The following CPPED1 variants were observed in gnomAD, a reference collection of about 807,000 sequenced individuals.
CPPED1 encodes serine/threonine-protein phosphatase CPPED1.
CPPED1 carries 28 observed loss-of-function variants against 28.0 expected under a neutral mutation model. The observed-to-expected ratio is 1.00, with a 90% CI of 0.74 to 1.37. CPPED1 has a LOEUF of 1.37. CPPED1 is among the 40% of genes most tolerant of loss of function. The probability of loss-of-function intolerance (pLI) is 0.00; values close to 1 mark genes in which losing one functional copy is unlikely to be tolerated. For synonymous variants in CPPED1, 198 were observed against 180.2 expected, an observed-to-expected ratio of 1.10 and a Z score of -0.79; for missense variants, 504 against 416.5, an observed-to-expected ratio of 1.21 and a Z score of -1.83.
intron 3 of CPPED1, among the ~76,000 whole-genome samples, chr16:12,696,430 G>C (rs754004846): frequency 6.7e-6 from 1 of 148,978 alleles, no homozygotes. Context: ...ATGGTGCTAA[G>C]TGACTTTCTT....
chr16:12,708,790 C>A (rs1056728708), intron 2 of CPPED1, among the ~76,000 whole-genome samples: 1 of 152,124 alleles, frequency 6.6e-6, no homozygotes, highest in Non-Finnish European at 1.5e-5. Flanking sequence ...GAAAAATAGT[C>A]CCATTGTGGC....
intron 2 of CPPED1, among the ~76,000 whole-genome samples, chr16:12,740,450 A>G (rs2080249336): frequency 6.6e-6 from 1 of 151,974 alleles, no homozygotes; most frequent in African/African-American, 2.4e-5. Context: ...GCCTCAAAAA[A>G]AAAAAAAAAA....
chr16:12,661,204 T>C lies in CPPED1; in HGVS notation c.*3682A>G, dbSNP rs1382740390. 1 of 152,246 alleles carries C rather than the reference T, an allele frequency of 6.6e-6. No individual in the cohort carries two copies. The highest frequency in any genetic ancestry group is 2.4e-5 in the African/African-American group (1 of 41,470). 9.4% of individuals were successfully genotyped at this position (152,246 alleles called of 1,614,324 possible). A position where few individuals can be genotyped will look rare whatever the true frequency, so the allele number is the denominator to read the frequency against. ...AATACAGACTGTAATATTAAACTAC[T>C]ATGTGTATATTGTTTCTACAGTTGT... is the stretch of plus-strand genomic sequence containing the variant. On this transcript the variant is annotated 3_prime_UTR_variant, in exon 4 of 4. Transcript: ENST00000381774.
At chr16:12,737,737 CTG>C (rs2080234027) in intron 2 of CPPED1, among the ~76,000 whole-genome samples, 1 of 152,192 alleles carries the variant, frequency 6.6e-6, no homozygotes, top group African/African-American at 2.4e-5. Context: ...AAAAGGGACA[CTG>C]GAGCTGCGCA....
At chr16:12,764,720 A>G (rs2080429416) in intron 2 of CPPED1, among the ~76,000 whole-genome samples, 1 of 152,096 alleles carries the variant, frequency 6.6e-6, no homozygotes, top group Non-Finnish European at 1.5e-5. Context: ...TCTCTAACTC[A>G]ACCACCTCCC....
chr16:12,664,991 G>A lies in CPPED1; in HGVS notation c.840C>T (p.Val280=). The change falls in exon 4 of 4, where the codon GTC becomes GTT. Residue 280 remains valine (V), a synonymous_variant. Transcript: ENST00000381774. The surrounding 1 kb of genome is among the most constrained non-coding windows in gnomAD (Gnocchi z 4.2). ...CAATTTTCTCGGCGGTGACCACCAC[G>A]ACTCGGAGCCCGTGGGGGTCTCTGC... The part of the protein sequence containing the change: ...QLGRDPHGLR[V]VVVTAEKIVH... The A allele has an allele frequency of 3.7e-6, 6 of 1,611,576 alleles. No individual in the cohort carries two copies. The highest frequency in any genetic ancestry group is 2.2e-5 in the East Asian group (1 of 44,822).
intron 3 of CPPED1, among the ~76,000 whole-genome samples, chr16:12,699,526 G>A (rs1313664291): frequency 6.6e-6 from 1 of 152,128 alleles, no homozygotes; most frequent in Non-Finnish European, 1.5e-5. Flanking sequence ...AATGAGAGAT[G>A]ATTGTTGATG....
intron 2 of CPPED1, among the ~76,000 whole-genome samples, chr16:12,731,765 G>A (rs2080199105): frequency 1.3e-5 from 2 of 150,934 alleles, no homozygotes; most frequent in Admixed American, 1.3e-4. Flanking sequence ...GAAGCAGGCA[G>A]CCAAGGACCA....
At chr16:12,692,727 C>A (rs1053454840) in intron 3 of CPPED1, among the ~76,000 whole-genome samples, 4 of 152,204 alleles carry the variant, frequency 2.6e-5, no homozygotes, top group African/African-American at 9.6e-5. Flanking sequence ...TCTCAAGAAG[C>A]CTGTTCATCT....
At chr16:12,760,830 A>C (rs1013205738) in intron 2 of CPPED1, 3 of 152,176 alleles carry the variant, frequency 2.0e-5, no homozygotes, top group African/African-American at 7.2e-5. Context: ...CAAACCTGAT[A>C]ATGCTGATGT....
intron 2 of CPPED1, among the ~76,000 whole-genome samples, chr16:12,749,263 T>C (rs886300161): frequency 1.3e-5 from 2 of 152,234 alleles, no homozygotes; most frequent in Admixed American, 6.5e-5. Flanking sequence ...TGTGAGTTTA[T>C]GGAATACTCT....
chr16:12,715,199 C>A (rs1389004392), intron 2 of CPPED1, among the ~76,000 whole-genome samples: 1 of 152,148 alleles, frequency 6.6e-6, no homozygotes, highest in Non-Finnish European at 1.5e-5. Context: ...CTGCAGGCTT[C>A]TAGTAAGTTT....
At chr16:12,751,852 T>C (rs887893700) in intron 2 of CPPED1, among the ~76,000 whole-genome samples, 4 of 152,206 alleles carry the variant, frequency 2.6e-5, no homozygotes, top group Admixed American at 1.3e-4. Context: ...TCTAAGATGC[T>C]GAAACATTTA....
At chr16:12,677,723 C>T (rs572253937) in intron 3 of CPPED1, among the ~76,000 whole-genome samples, 2 of 152,340 alleles carry the variant, frequency 1.3e-5, no homozygotes, top group African/African-American at 4.8e-5. Context: ...TCACTTCCGG[C>T]TTCAGCCTTT....
intron 2 of CPPED1, among the ~76,000 whole-genome samples, chr16:12,774,763 G>C (rs1003571064): frequency 6.6e-6 from 1 of 152,098 alleles, no homozygotes; most frequent in African/African-American, 2.4e-5. Context: ...ATGAATGAAT[G>C]AGTTAGTGGA....
At chr16:12,666,224 G>A (rs977581512) in intron 3 of CPPED1, among the ~76,000 whole-genome samples, 1 of 152,170 alleles carries the variant, frequency 6.6e-6, no homozygotes, top group African/African-American at 2.4e-5. Flanking sequence ...TGGATGAAAC[G>A]TAAAACAGAA....
At chr16:12,773,547 AC>A in intron 2 of CPPED1, among the ~76,000 whole-genome samples, 1 of 152,076 alleles carries the variant, frequency 6.6e-6, no homozygotes, top group African/African-American at 2.4e-5. Context: ...ACATGGTGAA[AC>A]CCCGTCTCTA....
chr16:12,692,623 G>A (rs780383668), intron 3 of CPPED1, among the ~76,000 whole-genome samples: 90 of 152,156 alleles, frequency 5.9e-4, no homozygotes, highest in Non-Finnish European at 2.1e-4. Flanking sequence ...AAAAATACCA[G>A]TACCTTGTGG....
chr16:12,714,352 C>A (rs1162973904), intron 2 of CPPED1, among the ~76,000 whole-genome samples: 1 of 152,200 alleles, frequency 6.6e-6, no homozygotes, highest in East Asian at 1.9e-4. Context: ...TATGTGTTTA[C>A]TTCTTTAAGA....
Sources: gnomAD v4.1 joint callset for allele counts (sites outside exome capture counted in the v4.1 genomes callset) on GRCh38, gnomAD v4.1.1 for gene constraint, Gnocchi (gnomAD v3.1) non-coding constraint, MANE v1.5 for transcripts, NCBI Gene and HGNC (gene_info 2026-07-23, HGNC 2026-07-21) for gene names.